Variants in MB21D2 observed in about 807,000 individuals in gnomAD.
The protein encoded by MB21D2 is Mab-21 domain containing 2.
A neutral mutation model predicts 33.3 loss-of-function variants in MB21D2; 9 were observed. The ratio of observed to expected loss-of-function variants is 0.27; its 90% CI spans 0.16 to 0.47. The LOEUF (loss-of-function observed/expected upper bound fraction) is 0.47. Among genes scored for constraint, MB21D2 ranks in the 20% least tolerant of loss-of-function variants. The pLI is 0.99. For synonymous variants in MB21D2, 241 were observed against 236.3 expected, an observed-to-expected ratio of 1.02 and a Z score of -0.18; for missense variants, 540 against 624.6, an observed-to-expected ratio of 0.86 and a Z score of 1.44.
chr3:192,852,479 C>T (rs748027058), intron 1 of MB21D2, among the ~76,000 whole-genome samples: 7 of 152,114 alleles, frequency 4.6e-5, no homozygotes, highest in Non-Finnish European at 7.3e-5. Context: ...TATACAGGTT[C>T]TAGAGGTCAT....
chr3:192,881,390 T>A (rs1713562406), intron 1 of MB21D2, among the ~76,000 whole-genome samples: 1 of 152,094 alleles, frequency 6.6e-6, no homozygotes, highest in Non-Finnish European at 1.5e-5. Context: ...AACTAGAAGA[T>A]CTCTGTGGCT....
chr3:192,880,792 T>C (rs1713543220), intron 1 of MB21D2, among the ~76,000 whole-genome samples: 1 of 152,120 alleles, frequency 6.6e-6, no homozygotes, highest in South Asian at 2.1e-4. Context: ...TACAGTGAAG[T>C]TTAAGAAGAT....
Position 192,799,250 on chromosome 3 carries a change from C to T in MB21D2, c.612G>A (p.Gln204=). Reference sequence around the variant, plus strand: ...CCTTTTCTACCTTTGGCATCCCTCGCTGGGGTTTCTTCTGTATTTCTGATA... The same window carrying T: ...CCTTTTCTACCTTTGGCATCCCTCGTTGGGGTTTCTTCTGTATTTCTGATA... ...IVLSEIQKKP[Q]RGMPKVEKVE... Residue 204 remains glutamine, a synonymous_variant, in exon 2 of 2, where the codon CAG becomes CAA. Transcript: ENST00000392452. The surrounding 1 kb of genome is among the most constrained non-coding windows in gnomAD (Gnocchi z 4.1). 3 of 1,614,236 alleles carry T rather than the reference C, an allele frequency of 1.9e-6. No individual in the cohort carries two copies. The highest frequency in any genetic ancestry group is 2.5e-6 in the Non-Finnish European group (3 of 1,180,042).
chr3:192,867,859 G>C lies in MB21D2; in HGVS notation c.211+49771C>G, dbSNP rs898824374. ...TTCTCTCTGGGAGCCCGGATCTTCC[G>C]CATAAGGAAGCTAACTTAGACTAAG... On this transcript the variant is annotated intron_variant, in intron 1 of 1. Transcript: ENST00000392452. Among the ~76,000 whole-genome samples the C allele has an allele frequency of 1.1e-4, 17 of 152,204 alleles. No homozygotes were observed. In the East Asian group the frequency reaches 3.3e-3, roughly 29 times the overall value.
intron 1 of MB21D2, among the ~76,000 whole-genome samples, chr3:192,872,054 T>C (rs1432879453): frequency 6.6e-6 from 1 of 152,192 alleles, no homozygotes; most frequent in Non-Finnish European, 1.5e-5. Context: ...TCCAAGTTTG[T>C]CTCTCATAAA....
At chr3:192,803,548 A>T (rs1711597705) in intron 1 of MB21D2, among the ~76,000 whole-genome samples, 1 of 152,276 alleles carries the variant, frequency 6.6e-6, no homozygotes, top group South Asian at 2.1e-4. Flanking sequence ...CGATATGGTA[A>T]CAGAACTCGA....
chr3:192,865,649 T>C (rs142782325), intron 1 of MB21D2, among the ~76,000 whole-genome samples: 5 of 152,154 alleles, frequency 3.3e-5, no homozygotes, highest in African/African-American at 7.2e-5. Context: ...GTGGCTGTGA[T>C]GAAGCTTAGA....
At chr3:192,837,759 A>C (rs1229512691) in intron 1 of MB21D2, among the ~76,000 whole-genome samples, 1 of 152,198 alleles carries the variant, frequency 6.6e-6, no homozygotes, top group Non-Finnish European at 1.5e-5. Flanking sequence ...TGTATTTTTA[A>C]ATGATCCCCA....
At chr3:192,836,302 C>T (rs57361218) in intron 1 of MB21D2, among the ~76,000 whole-genome samples, 9,467 of 152,194 alleles carry the variant, frequency 0.062, 1,005 homozygotes, top group African/African-American at 0.22. Flanking sequence ...GTGTCTGGCA[C>T]CCACCCCAAG....
intron 1 of MB21D2, among the ~76,000 whole-genome samples, chr3:192,902,215 T>C (rs1714119334): frequency 2.0e-5 from 3 of 152,264 alleles, no homozygotes; most frequent in Admixed American, 2.0e-4. Context: ...ACCATTATCT[T>C]TTCCACTCTG....
intron 1 of MB21D2, among the ~76,000 whole-genome samples, chr3:192,831,608 AAC>A (rs1197873791): frequency 6.6e-6 from 1 of 152,184 alleles, no homozygotes; most frequent in African/African-American, 2.4e-5. Flanking sequence ...TCAAATCTTC[AAC>A]ACTTTTGGAT....
intron 1 of MB21D2, among the ~76,000 whole-genome samples, chr3:192,830,815 T>A (rs532585332): frequency 1.3e-5 from 2 of 152,334 alleles, no homozygotes; most frequent in Non-Finnish European, 2.9e-5. Context: ...GAATCTGTGC[T>A]TTAACAGAAG....
intron 1 of MB21D2, among the ~76,000 whole-genome samples, chr3:192,840,696 C>G (rs544893985): frequency 1.3e-5 from 2 of 152,228 alleles, no homozygotes; most frequent in South Asian, 4.1e-4. Flanking sequence ...TCATATGGGC[C>G]TCTTAAGCTC....
At chr3:192,828,304 GT>G (rs1448543483) in intron 1 of MB21D2, among the ~76,000 whole-genome samples, 1 of 151,628 alleles carries the variant, frequency 6.6e-6, no homozygotes, top group Non-Finnish European at 1.5e-5. Flanking sequence ...TGAAGTGTGG[GT>G]TTTAAAAAGC....
At chr3:192,898,468 G>C (rs2133864) in intron 1 of MB21D2, among the ~76,000 whole-genome samples, 78,181 of 151,958 alleles carry the variant, frequency 0.51, 20,250 homozygotes, top group South Asian at 0.53. Context: ...GCTACAAAGA[G>C]GTGGGAGACT....
intron 1 of MB21D2, among the ~76,000 whole-genome samples, chr3:192,830,837 C>G (rs776346957): frequency 6.6e-5 from 10 of 152,196 alleles, no homozygotes; most frequent in Admixed American, 1.3e-4. Context: ...TCCAGTGGAT[C>G]TGTAGGCATG....
chr3:192,900,598 T>A (rs61397224), intron 1 of MB21D2, among the ~76,000 whole-genome samples: 9,051 of 151,926 alleles, frequency 0.06, 815 homozygotes, highest in African/African-American at 0.2. Context: ...TAAGACTGTA[T>A]AAGTAACATG....
At chr3:192,900,667 G>A (rs190827117) in intron 1 of MB21D2, among the ~76,000 whole-genome samples, 1 of 152,134 alleles carries the variant, frequency 6.6e-6, no homozygotes, top group Non-Finnish European at 1.5e-5. Flanking sequence ...CACAGGCCGG[G>A]CGCGGTGGCT....
At chr3:192,912,301 A>C (rs954219064) in intron 1 of MB21D2, among the ~76,000 whole-genome samples, 3 of 152,192 alleles carry the variant, frequency 2.0e-5, no homozygotes, top group African/African-American at 7.2e-5. Context: ...ACACTATTAC[A>C]TTCATTAAGT....
Sources: allele counts gnomAD v4.1 joint callset (sites outside exome capture counted in the v4.1 genomes callset), GRCh38; gene constraint gnomAD v4.1.1; non-coding constraint Gnocchi (gnomAD v3.1); transcripts MANE v1.5; gene names NCBI Gene and HGNC (gene_info 2026-07-23, HGNC 2026-07-21).